The following KYNU variants were observed in gnomAD, a reference collection of about 807,000 sequenced individuals.
The protein encoded by KYNU is L-kynurenine hydrolase.
A neutral mutation model predicts 59.2 loss-of-function variants in KYNU; 54 were observed. The observed-to-expected ratio is 0.91, with a 90% confidence interval of 0.73 to 1.14. The LOEUF is 1.14. KYNU is among the 50% of genes most tolerant of loss of function. KYNU has a pLI of 0.00. For missense variants in KYNU, 567 were observed against 554.4 expected (o/e 1.02, Z -0.23); for synonymous variants, 177 against 192.0 (o/e 0.92, Z 0.65).
intron 10 of KYNU, among the ~76,000 whole-genome samples, chr2:143,028,240 A>ATTT (rs376260705): frequency 2.1e-4 from 16 of 77,330 alleles, no homozygotes; most frequent in Non-Finnish European, 3.2e-4. Context: ...CTTATTTTAC[A>ATTT]TTCTTTTTTT....
chr2:142,893,015 C>A (rs979586086), intron 2 of KYNU, among the ~76,000 whole-genome samples: 1 of 152,046 alleles, frequency 6.6e-6, no homozygotes, highest in Admixed American at 6.6e-5. Context: ...CATGGCCCTG[C>A]CTATCTGCAA....
intron 7 of KYNU, among the ~76,000 whole-genome samples, chr2:142,959,066 G>A (rs1166991746): frequency 6.6e-6 from 1 of 151,854 alleles, no homozygotes; most frequent in Non-Finnish European, 1.5e-5. Context: ...TGCCCATTTT[G>A]TAAACAAATT....
intron 1 of KYNU, among the ~76,000 whole-genome samples, chr2:142,880,591 T>C (rs2105016855): frequency 6.6e-6 from 1 of 152,346 alleles, no homozygotes; most frequent in Admixed American, 6.5e-5. Context: ...TATTTTAAAT[T>C]CTAGCTCCTG....
intron 1 of KYNU, among the ~76,000 whole-genome samples, chr2:142,881,898 G>GCTTTTC (rs1190031300): frequency 6.8e-6 from 1 of 146,684 alleles, no homozygotes; most frequent in Non-Finnish European, 1.5e-5. Context: ...AGCACACCTG[G>GCTTTTC]CTTTTCTTTT....
intron 12 of KYNU, among the ~76,000 whole-genome samples, chr2:143,037,897 T>C (rs1475658594): frequency 6.6e-6 from 1 of 152,188 alleles, no homozygotes; most frequent in Non-Finnish European, 1.5e-5. Flanking sequence ...TAAAAGTGCC[T>C]CAGAATGCAG....
chr2:142,958,361 C>T (rs1684235962), intron 7 of KYNU, among the ~76,000 whole-genome samples: 1 of 152,124 alleles, frequency 6.6e-6, no homozygotes, highest in African/African-American at 2.4e-5. Flanking sequence ...TAAATGTGTA[C>T]TTTACATTAA....
intron 3 of KYNU, among the ~76,000 whole-genome samples, chr2:142,921,366 G>C (rs1573792778): frequency 6.6e-6 from 1 of 152,160 alleles, no homozygotes; most frequent in African/African-American, 2.4e-5. Context: ...AGGAGGCTTT[G>C]CTTAAGTTTA....
intron 4 of KYNU, among the ~76,000 whole-genome samples, chr2:142,951,573 A>C (rs529829496): frequency 6.6e-6 from 1 of 152,232 alleles, no homozygotes; most frequent in Non-Finnish European, 1.5e-5. Flanking sequence ...ACTAAAAATC[A>C]GTCTGTTGTA....
chr2:142,891,295 C>A (rs1035925948), intron 2 of KYNU, among the ~76,000 whole-genome samples: 1 of 151,896 alleles, frequency 6.6e-6, no homozygotes, highest in Non-Finnish European at 1.5e-5. Context: ...CTAGCCTAGG[C>A]AAACAGTAAT....
chr2:143,014,546 C>G (rs1352864011), intron 10 of KYNU, among the ~76,000 whole-genome samples: 1 of 152,170 alleles, frequency 6.6e-6, no homozygotes, highest in Non-Finnish European at 1.5e-5. Context: ...AGAGAATTGT[C>G]TCTGCTATAA....
rs1471417956 is a variant in KYNU at position 143,051,719 on chromosome 2, T to G, written c.*9547T>G. The G allele has an allele frequency of 6.6e-6, 1 of 152,290 alleles. No homozygotes were observed. Among genetic ancestry groups the G allele is most frequent in the Non-Finnish European group, 1.5e-5 (1 of 68,152 alleles). The allele number at this position is 152,290 out of a possible 1,614,324, so 9.4% of individuals were successfully genotyped here. A position where few individuals can be genotyped will look rare whatever the true frequency, so the allele number is the denominator to read the frequency against. On this transcript the variant is annotated 3_prime_UTR_variant, in exon 14 of 14. Coordinates refer to ENST00000264170, the MANE Select transcript of KYNU (RefSeq NM_003937.3). Reference sequence around the variant, plus strand: ...GAGACATGCCTTTCAACTTCTGCCCTGATTGTGAGGCCTCCCCCGCCATGT... The same window carrying G: ...GAGACATGCCTTTCAACTTCTGCCCGGATTGTGAGGCCTCCCCCGCCATGT...
chr2:142,994,368 T>C (rs1479418543), intron 10 of KYNU, among the ~76,000 whole-genome samples: 1 of 152,084 alleles, frequency 6.6e-6, no homozygotes, highest in Non-Finnish European at 1.5e-5. Context: ...AACCACGTGA[T>C]CCATATTCTC....
chr2:142,898,737 TG>T (rs1347868561), intron 2 of KYNU, among the ~76,000 whole-genome samples: 2 of 152,234 alleles, frequency 1.3e-5, no homozygotes, highest in African/African-American at 4.8e-5. Flanking sequence ...GCTCCCAAGA[TG>T]GCAGCAAGCC....
intron 2 of KYNU, among the ~76,000 whole-genome samples, chr2:142,914,954 G>A (rs996051164): frequency 6.6e-6 from 1 of 152,072 alleles, no homozygotes; most frequent in African/African-American, 2.4e-5. Flanking sequence ...TAAGAGCCGG[G>A]GCTTTCCTGT....
chr2:143,003,294 T>G (rs1261526137), intron 10 of KYNU, among the ~76,000 whole-genome samples: 2 of 151,804 alleles, frequency 1.3e-5, no homozygotes, highest in East Asian at 1.9e-4. Flanking sequence ...CTGGGGGGGG[T>G]GGCTCACACC....
Position 143,042,221 on chromosome 2 carries a change from G to A in KYNU, c.*49G>A, listed in dbSNP as rs141310475. On this transcript the variant is annotated 3_prime_UTR_variant, in exon 14 of 14. Coordinates refer to ENST00000264170, the MANE Select transcript of KYNU (RefSeq NM_003937.3). ...GCAAATTATACTGAAAGCTGCTGTG[G>A]TTATTTCAGTATTATTCGATTTTTA... 1.6e-4 allele frequency: 248 copies of A among 1,561,750 alleles called. No homozygotes were observed. The East Asian group carries it at 5.2e-3, about 32-fold the overall frequency.
intron 1 of KYNU, among the ~76,000 whole-genome samples, chr2:142,884,428 A>G (rs541756975): frequency 3.9e-5 from 6 of 152,360 alleles, no homozygotes; most frequent in African/African-American, 1.2e-4. Context: ...GAGTTGGGAT[A>G]TGGAGAAAGA....
At chr2:142,990,309 T>G (rs1192698200) in intron 10 of KYNU, among the ~76,000 whole-genome samples, 1 of 151,870 alleles carries the variant, frequency 6.6e-6, no homozygotes, top group Non-Finnish European at 1.5e-5. Context: ...ATATGAAATG[T>G]TTCACTAAAA....
intron 6 of KYNU, 111 bp from the exon 7 acceptor site, chr2:142,957,530 C>T (rs540263111): frequency 2.8e-6 from 2 of 709,114 alleles, no homozygotes; most frequent in African/African-American, 1.8e-5. Context: ...TTAACCTTCA[C>T]CTTGGATTTA....
Sources: gnomAD v4.1 joint callset for allele counts (sites outside exome capture counted in the v4.1 genomes callset) on GRCh38, gnomAD v4.1.1 for gene constraint, MANE v1.5 for transcripts, NCBI Gene and HGNC (gene_info 2026-07-23, HGNC 2026-07-21) for gene names.